RSRP1: variants seen among roughly 807,000 people sequenced by gnomAD.
The protein encoded by RSRP1 is arginine/serine-rich protein 1.
A neutral mutation model predicts 33.0 loss-of-function variants in RSRP1; 37 were observed. That is an observed-to-expected ratio of 1.12 (90% confidence interval 0.86 to 1.48). The LOEUF (loss-of-function observed/expected upper bound fraction) is 1.48, where lower values mean the gene tolerates loss of function less well. Ranked by LOEUF, RSRP1 falls within the 40% of genes most tolerant of loss-of-function variation. RSRP1 has a pLI of 0.00. For synonymous variants in RSRP1, 167 were observed against 158.7 expected (o/e 1.05, Z -0.40); for missense variants, 402 against 385.3 (o/e 1.04, Z -0.36).
chr1:25,337,737 C>T (rs1235566103), intron 1 of RSRP1: 2 of 150,962 alleles, frequency 1.3e-5, no homozygotes, highest in Non-Finnish European at 2.9e-5. Context: ...AGTGCCCAGG[C>T]TGAGAAACCC....
chr1:25,335,129 T>G (rs1571787251), intron 1 of RSRP1, among the ~76,000 whole-genome samples: 1 of 62,802 alleles, frequency 1.6e-5, no homozygotes, highest in East Asian at 2.6e-4. Context: ...CTTATAAAAC[T>G]GAATGTCTTT....
rs746526639 is a variant in RSRP1 at position 25,307,705 on chromosome 1, C to A, written c.-67+30273G>T. 2.3e-6 allele frequency: 3 copies of A among 1,307,900 alleles called. 1 individual carries two copies. Among genetic ancestry groups the A allele is most frequent in the Non-Finnish European group, 3.2e-6 (3 of 949,906 alleles). The allele number at this position is 1,307,900 out of a possible 1,614,324, so 81.0% of individuals were successfully genotyped here. A position where few individuals can be genotyped will look rare whatever the true frequency, so the allele number is the denominator to read the frequency against. On this transcript the variant is annotated intron_variant, in intron 1 of 1. Transcript: ENST00000561867. ...TGAAGCAGGTGATGAGGAGCTGATG[C>A]GTTTGGACGTGTCTCAGAGAAATCA...
chr1:25,244,312 T>C lies in RSRP1; in HGVS notation c.673-679A>G, dbSNP rs866496713. On this transcript the variant is annotated intron_variant, in intron 3 of 4. Transcript: ENST00000243189. Reference sequence around the variant, plus strand: ...CGTGTACCTTTGCTTAGTTTAAAAATTGACTTTAATACTTTATGCAAATAG... The same window carrying C: ...CGTGTACCTTTGCTTAGTTTAAAAACTGACTTTAATACTTTATGCAAATAG... The C allele has an allele frequency of 2.5e-5, 32 of 1,287,564 alleles. No homozygotes were observed. The East Asian group carries it at 3.3e-4, about 13-fold the overall frequency. The allele number at this position is 1,287,564 out of a possible 1,614,324, so 79.8% of individuals were successfully genotyped here.
rs537564565 is a variant in RSRP1, at chr1:25,275,849, G to T, written c.-66-28820C>A. 5.3e-5 allele frequency among the ~76,000 whole-genome samples: 7 copies of T among 131,808 alleles called. 2 individuals are homozygous for T. The highest frequency in any genetic ancestry group is 1.3e-4 in the Non-Finnish European group (7 of 55,762). The allele number at this position is 131,808 out of a possible 152,430, so 86.5% of individuals were successfully genotyped here. Reference sequence around the variant, plus strand: ...ATTAGATCAACATGTTTTAAATCTCGAATGTGACTGACAGCTTGTACGAGG... The same window carrying T: ...ATTAGATCAACATGTTTTAAATCTCTAATGTGACTGACAGCTTGTACGAGG... On this transcript the variant is annotated intron_variant, in intron 1 of 1. Coordinates refer to the RSRP1 transcript ENST00000561867.
chr1:25,244,908 T>G, intron 3 of RSRP1: 1 of 1,339,644 alleles, frequency 7.5e-7, no homozygotes, highest in Non-Finnish European at 9.7e-7. Flanking sequence ...AGTCTTGAAC[T>G]CCTGGACTCA....
Position 25,244,752 on chromosome 1 carries a change from T to G in RSRP1, c.672+398A>C, listed in dbSNP as rs1055826142. Reference sequence around the variant, plus strand: ...CAGGCTAGAGTGCAATGGTGCCATCTTGGCTCACTGCAACCTTAGCATCCT... The same window carrying G: ...CAGGCTAGAGTGCAATGGTGCCATCGTGGCTCACTGCAACCTTAGCATCCT... On this transcript the variant is annotated intron_variant, in intron 3 of 4. Transcript: ENST00000243189. The G allele has an allele frequency of 7.3e-6, 8 of 1,102,486 alleles. No homozygotes were observed. The African/African-American group carries it at 1.3e-4, about 18-fold the overall frequency. The allele number at this position is 1,102,486 out of a possible 1,614,324, so 68.3% of individuals were successfully genotyped here.
intron 1 of RSRP1, among the ~76,000 whole-genome samples, chr1:25,259,924 C>G (rs1393744414): frequency 1.3e-5 from 2 of 151,962 alleles, no homozygotes; most frequent in East Asian, 3.9e-4. Flanking sequence ...GCAGGACAAA[C>G]AGACGGACAG....
chr1:25,252,987 C>T (rs1181994770), intron 1 of RSRP1: 3 of 152,230 alleles, frequency 2.0e-5, no homozygotes, highest in Non-Finnish European at 2.9e-5. Flanking sequence ...ATCAGTATGT[C>T]CATCCGTTCC....
chr1:25,276,114 T>C lies in RSRP1; in HGVS notation c.-66-29085A>G, dbSNP rs1389101090. Among the ~76,000 whole-genome samples the C allele has an allele frequency of 3.8e-5, 5 of 132,066 alleles. 2 individuals carry two copies. The highest frequency in any genetic ancestry group is 8.9e-5 in the Non-Finnish European group (5 of 55,932). 86.6% of individuals were successfully genotyped at this position (132,066 alleles called of 152,430 possible). Reference sequence around the variant, plus strand: ...GACATTTTGAGACAATCAGGAAATCTGAATATAGCATGAATATCTTACGAT... The same window carrying C: ...GACATTTTGAGACAATCAGGAAATCCGAATATAGCATGAATATCTTACGAT... On this transcript the variant is annotated intron_variant, in intron 1 of 1. Coordinates refer to the RSRP1 transcript ENST00000561867.
intron 1 of RSRP1, among the ~76,000 whole-genome samples, chr1:25,283,310 C>G (rs1641662773): frequency 7.6e-6 from 1 of 131,080 alleles, no homozygotes; most frequent in Non-Finnish European, 1.8e-5. Flanking sequence ...GTGGGCAGAT[C>G]ACTTGAGGTC....
Position 25,321,912 on chromosome 1 carries a change from T to G in RSRP1, c.-67+16066A>C. The G allele has an allele frequency of 1.5e-6, 2 of 1,331,308 alleles. 1 individual carries two copies. The highest frequency in any genetic ancestry group is 2.1e-6 in the Non-Finnish European group (2 of 936,672). 82.5% of individuals were successfully genotyped at this position (1,331,308 alleles called of 1,614,324 possible). ...AGGTTTGCTCCTAAATCTTAAAATA[T>G]GGAAAGCACCTCATGAGGCTAAATA... On this transcript the variant is annotated intron_variant, in intron 1 of 1. Transcript: ENST00000561867.
At chr1:25,244,781 C>T in intron 3 of RSRP1, 1 of 996,562 alleles carries the variant, frequency 1.0e-6, no homozygotes, top group East Asian at 6.2e-5. Flanking sequence ...GCATCCTAGG[C>T]TCAAAGATCC....
At chr1:25,274,745 G>A (rs572823309) in intron 1 of RSRP1, among the ~76,000 whole-genome samples, 5 of 134,098 alleles carry the variant, frequency 3.7e-5, no homozygotes, top group East Asian at 1.9e-4. Context: ...CGTGGCTCAC[G>A]CCTGTAATCC....
At chr1:25,264,552 G>T (rs1303797311) in intron 1 of RSRP1, among the ~76,000 whole-genome samples, 1 of 150,908 alleles carries the variant, frequency 6.6e-6, no homozygotes, top group African/African-American at 2.4e-5. Flanking sequence ...GAGGACCCCG[G>T]GCCTGGCCAA....
intron 3 of RSRP1, chr1:25,244,906 ACTC>A (rs1639219022): frequency 2.3e-6 from 3 of 1,327,654 alleles, no homozygotes; most frequent in Non-Finnish European, 2.9e-6. Context: ...CTAGTCTTGA[ACTC>A]CTGGACTCAA....
At chr1:25,251,474 A>G (rs1639779352), upstream of RSRP1, among the ~76,000 whole-genome samples, 2 of 152,032 alleles carry the variant, frequency 1.3e-5, no homozygotes, top group Admixed American at 6.6e-5. Context: ...GATTCAAGCA[A>G]TTCTCCTGCC....
At position 25,269,216 on chromosome 1, in the gene RSRP1, C is replaced by A. The variant is rs1421979010; in HGVS notation, c.-66-22187G>T. Among the ~76,000 whole-genome samples the A allele has an allele frequency of 1.5e-5, 2 of 132,820 alleles. 1 individual carries two copies. Among genetic ancestry groups the A allele is most frequent in the African/African-American group, 5.1e-5 (2 of 38,904 alleles). 87.1% of individuals were successfully genotyped at this position (132,820 alleles called of 152,430 possible). Reference sequence around the variant, plus strand: ...CATTAGCCTACAGTTGGGCAAAATCCTCTAACACAAAGCCTATTTTATGAT... The same window carrying A: ...CATTAGCCTACAGTTGGGCAAAATCATCTAACACAAAGCCTATTTTATGAT... On this transcript the variant is annotated intron_variant, in intron 1 of 1. Coordinates refer to the RSRP1 transcript ENST00000561867.
chr1:25,296,970 TTTCAG>T (rs1359445064), intron 1 of RSRP1, among the ~76,000 whole-genome samples: 1 of 131,628 alleles, frequency 7.6e-6, no homozygotes, highest in Non-Finnish European at 1.8e-5. Flanking sequence ...CATAACCTTT[TTTCAG>T]TTAACAAAAA....
intron 1 of RSRP1, chr1:25,272,692 C>G (rs1311889374): frequency 6.7e-7 from 1 of 1,496,220 alleles, no homozygotes; most frequent in Non-Finnish European, 9.2e-7. Context: ...GGCATCCTAT[C>G]AAGGTGAGAG....
Sources: allele counts gnomAD v4.1 joint callset (sites outside exome capture counted in the v4.1 genomes callset), GRCh38; gene constraint gnomAD v4.1.1; transcripts MANE v1.5; gene names NCBI Gene and HGNC (gene_info 2026-07-23, HGNC 2026-07-21).